Variants in ASF1A observed in about 807,000 individuals in gnomAD.
The protein encoded by ASF1A is histone chaperone ASF1A.
ASF1A carries 5 observed loss-of-function variants against 22.0 expected under a neutral mutation model. The ratio of observed to expected loss-of-function variants is 0.23; its 90% confidence interval spans 0.12 to 0.48. ASF1A has a LOEUF of 0.48. ASF1A is among the 20% of genes least tolerant of loss of function. ASF1A has a pLI of 0.99. For missense variants in ASF1A, 137 were observed against 240.6 expected, an observed-to-expected ratio of 0.57 and a Z score of 2.85; for synonymous variants, 97 against 86.7, an observed-to-expected ratio of 1.12 and a Z score of -0.66.
rs551993426 is a variant in ASF1A at position 118,908,669 on chromosome 6, A to G, written c.*1055A>G. The stretch of plus-strand genomic sequence containing the variant: ...GATAGCTTTTCCAACAAATCTTTGA[A>G]AAGCAATCTTGGAAAGGAATTCATT... On this transcript the variant is annotated 3_prime_UTR_variant, in exon 4 of 4. Coordinates refer to ENST00000229595, the MANE Select transcript of ASF1A (RefSeq NM_014034.3). 6.6e-6 allele frequency: 1 copy of G among 152,438 alleles called. No homozygotes were observed. Among genetic ancestry groups the G allele is most frequent in the East Asian group, 1.9e-4 (1 of 5,192 alleles). The allele number at this position is 152,438 out of a possible 1,614,324, so 9.4% of individuals were successfully genotyped here. A position where few individuals can be genotyped will look rare whatever the true frequency, so the allele number is the denominator to read the frequency against.
In ASF1A at chr6:118,894,401, T is replaced by A; in HGVS notation, c.-13T>A. The A allele has an allele frequency of 6.5e-7, 1 of 1,536,852 alleles. No homozygotes were observed. The highest frequency in any genetic ancestry group is 8.7e-7 in the Non-Finnish European group (1 of 1,146,696). On this transcript the variant is annotated 5_prime_UTR_variant, in exon 1 of 4. Transcript: ENST00000229595. ...CCAGCCCCAGTTCCCATTGTTTGTGTTTTTTTCAAAATATGGCAAAGGTTC... is the reference window on the plus strand; with the variant it reads ...CCAGCCCCAGTTCCCATTGTTTGTGATTTTTTCAAAATATGGCAAAGGTTC...
At position 118,899,690 on chromosome 6, in the gene ASF1A, A is replaced by G. The variant is rs118061611; in HGVS notation, c.110-1076A>G. Among the ~76,000 whole-genome samples the G allele has an allele frequency of 7.6e-3, 1,155 of 152,346 alleles. 8 individuals are homozygous for G. Among genetic ancestry groups the G allele is most frequent in the South Asian group, 0.029 (140 of 4,832 alleles). On this transcript the variant is annotated intron_variant, in intron 1 of 3. Coordinates refer to ENST00000229595, the MANE Select transcript of ASF1A (RefSeq NM_014034.3). ...TCAGTTGATTGTAGTTTACAATACA[A>G]TATAAATAAGCAGTACGTTACTATT...
In ASF1A at chr6:118,894,256, C is replaced by A. The variant is rs1480653152; in HGVS notation, c.-158C>A. The A allele has an allele frequency of 2.1e-6, 3 of 1,455,122 alleles. No homozygotes were observed. Among genetic ancestry groups the A allele is most frequent in the Admixed American group, 2.6e-5 (1 of 39,144 alleles). 90.1% of individuals were successfully genotyped at this position (1,455,122 alleles called of 1,614,324 possible). On this transcript the variant is annotated 5_prime_UTR_variant, in exon 1 of 4. Transcript: ENST00000229595. ...GCTGCAAAACACTGTGGAGTGCTCCCGTGTAAATAAAAAGAGGAAAAAAGT... is the reference window on the plus strand; with the variant it reads ...GCTGCAAAACACTGTGGAGTGCTCCAGTGTAAATAAAAAGAGGAAAAAAGT...
In ASF1A at chr6:118,894,240, C is replaced by T. The variant is rs971807401; in HGVS notation, c.-174C>T. On this transcript the variant is annotated 5_prime_UTR_variant, in exon 1 of 4. Coordinates refer to ENST00000229595, the MANE Select transcript of ASF1A (RefSeq NM_014034.3). ...TTAGTGAAATAGGAAAGCTGCAAAA[C>T]ACTGTGGAGTGCTCCCGTGTAAATA... 1 of 1,440,032 alleles carries T rather than the reference C, an allele frequency of 6.9e-7. No individual in the cohort carries two copies. Among genetic ancestry groups the T allele is most frequent in the East Asian group, 2.5e-5 (1 of 39,934 alleles). The allele number at this position is 1,440,032 out of a possible 1,614,324, so 89.2% of individuals were successfully genotyped here.
In ASF1A at chr6:118,894,430, T is replaced by G; in HGVS notation, c.17T>G (p.Val6Gly). The G allele has an allele frequency of 6.5e-7, 1 of 1,536,968 alleles. No individual in the cohort carries two copies. The highest frequency in any genetic ancestry group is 8.7e-7 in the Non-Finnish European group (1 of 1,146,784). The change falls in exon 1 of 4, where the codon GTG becomes GGG. Residue 6 changes from valine to glycine, a missense_variant. This residue lies in a region of ASF1A where 96 missense variants were observed against 196.7 expected (regional missense o/e 0.49). Transcript: ENST00000229595. MAKVQ[V>G]NNVVVLDNPS... ...TTTCAAAATATGGCAAAGGTTCAGG[T>G]GAACAATGTAGTGGTGCTGGATAAC...
rs563379508 is a variant in ASF1A at position 118,900,698 on chromosome 6, G to A, written c.110-68G>A. On this transcript the variant is annotated intron_variant, in intron 1 of 3. Coordinates refer to ENST00000229595, the MANE Select transcript of ASF1A (RefSeq NM_014034.3). ...GTAAGTGGCTAAGTGGACATTAAAA[G>A]GGTCTTTGATGTCATCTGGTAATGT... The A allele has an allele frequency of 2.1e-4, 232 of 1,117,082 alleles. No homozygotes were observed. In the African/African-American group the frequency reaches 3.2e-3, roughly 15 times the overall value. 69.2% of individuals were successfully genotyped at this position (1,117,082 alleles called of 1,614,324 possible).
intron 1 of ASF1A, among the ~76,000 whole-genome samples, chr6:118,897,782 C>G (rs1395528051): frequency 6.6e-6 from 1 of 151,916 alleles, no homozygotes; most frequent in African/African-American, 2.4e-5. Flanking sequence ...CTTACCCTTC[C>G]TCCCTCAAAT....
intron 1 of ASF1A, among the ~76,000 whole-genome samples, chr6:118,898,271 T>C (rs1779570623): frequency 6.6e-6 from 1 of 152,180 alleles, no homozygotes; most frequent in Non-Finnish European, 1.5e-5. Context: ...ATGCCCAGTA[T>C]ATAGTAGGTA....
chr6:118,903,543 A>G (rs1407205), intron 2 of ASF1A, among the ~76,000 whole-genome samples: 8,773 of 152,264 alleles, frequency 0.058, 366 homozygotes, highest in East Asian at 0.19. Flanking sequence ...CACAGGGCAT[A>G]CGTTCTTAGA....
chr6:118,903,367 GATC>G (rs900379641), intron 2 of ASF1A, among the ~76,000 whole-genome samples: 10 of 152,102 alleles, frequency 6.6e-5, no homozygotes, highest in African/African-American at 2.4e-4. Context: ...CTTGCCAAGA[GATC>G]ATAAACCCCT....
Position 118,894,437 on chromosome 6 carries a change from T to A in ASF1A, c.24T>A (p.Asn8Lys). 1 of 1,537,024 alleles carries A rather than the reference T, an allele frequency of 6.5e-7. No individual in the cohort carries two copies. The change falls in exon 1 of 4, where the codon AAT becomes AAA. Residue 8 changes from asparagine to lysine, a missense_variant. This residue lies in a region of ASF1A where 96 missense variants were observed against 196.7 expected (regional missense o/e 0.49). Transcript: ENST00000229595. ...ATATGGCAAAGGTTCAGGTGAACAA[T>A]GTAGTGGTGCTGGATAACCCTTCTC... MAKVQVN[N>K]VVVLDNPSPF...
At chr6:118,895,813 T>C (rs1489627066) in intron 1 of ASF1A, among the ~76,000 whole-genome samples, 1 of 152,160 alleles carries the variant, frequency 6.6e-6, no homozygotes, top group South Asian at 2.1e-4. Context: ...TTGAAGATGA[T>C]TTAGGTAATC....
rs78399416 is a variant in ASF1A, at chr6:118,898,830, C to T, written c.110-1936C>T. On this transcript the variant is annotated intron_variant, in intron 1 of 3. Coordinates refer to ENST00000229595, the MANE Select transcript of ASF1A (RefSeq NM_014034.3). ...CTTTTGGGTCACCTACCTCATTTGC[C>T]ACTTGTTTTGTAACTTAATTTGTCC... 5.0e-3 allele frequency among the ~76,000 whole-genome samples: 762 copies of T among 152,272 alleles called. 7 individuals are homozygous for T. Among genetic ancestry groups the T allele is most frequent in the African/African-American group, 0.018 (738 of 41,550 alleles).
intron 1 of ASF1A, among the ~76,000 whole-genome samples, chr6:118,899,326 T>C (rs1026796472): frequency 8.5e-5 from 13 of 152,220 alleles, no homozygotes; most frequent in African/African-American, 3.1e-4. Context: ...CAAAACCGCA[T>C]GATCTGGCTG....
chr6:118,900,335 G>T (rs959617345), intron 1 of ASF1A, among the ~76,000 whole-genome samples: 4 of 152,266 alleles, frequency 2.6e-5, no homozygotes, highest in Admixed American at 2.6e-4. Flanking sequence ...TCCAAAGTGT[G>T]TTGAGAAGGG....
intron 1 of ASF1A, among the ~76,000 whole-genome samples, chr6:118,897,668 G>A (rs1465159827): frequency 2.0e-5 from 3 of 151,982 alleles, no homozygotes; most frequent in Non-Finnish European, 2.9e-5. Flanking sequence ...AATACTTTCA[G>A]GCTGGGTAAA....
chr6:118,895,205 G>A (rs1309951384), intron 1 of ASF1A, among the ~76,000 whole-genome samples: 5 of 151,936 alleles, frequency 3.3e-5, no homozygotes, highest in African/African-American at 7.2e-5. Flanking sequence ...CGCGCCGCGG[G>A]CTGGGCGCCG....
chr6:118,896,041 G>A (rs1012884338), intron 1 of ASF1A, among the ~76,000 whole-genome samples: 2 of 138,560 alleles, frequency 1.4e-5, no homozygotes, highest in African/African-American at 2.6e-5. Flanking sequence ...ATGTGCCCCC[G>A]TTTTTTTTTT....
chr6:118,895,421 C>T (rs1779325686), intron 1 of ASF1A, among the ~76,000 whole-genome samples: 1 of 152,144 alleles, frequency 6.6e-6, no homozygotes. Context: ...AAATAATTTC[C>T]AGGACTTAAT....
Sources: gnomAD v4.1 joint callset for allele counts (sites outside exome capture counted in the v4.1 genomes callset) on GRCh38, gnomAD v4.1.1 for gene constraint, gnomAD v4.1.1 regional missense constraint, MANE v1.5 for transcripts, NCBI Gene and HGNC (gene_info 2026-07-23, HGNC 2026-07-21) for gene names.